CRB1: variants seen among roughly 807,000 people sequenced by gnomAD.
CRB1 encodes the protein protein crumbs homolog 1.
A neutral mutation model predicts 120.0 loss-of-function variants in CRB1; 83 were observed. The ratio of observed to expected loss-of-function variants is 0.69; its 90% CI spans 0.58 to 0.83. The LOEUF is 0.83. Ranked by LOEUF, CRB1 falls within the 40% of genes least tolerant of loss-of-function variation. The pLI, the probability that CRB1 is intolerant of heterozygous loss-of-function variation, is 0.00. For synonymous variants in CRB1, 625 were observed against 612.5 expected, an observed-to-expected ratio of 1.02 and a Z score of -0.30; for missense variants, 1,699 against 1,687.6, an observed-to-expected ratio of 1.01 and a Z score of -0.12.
chr1:197,288,059 C>T (rs1655936813), intron 1 of CRB1, among the ~76,000 whole-genome samples: 1 of 151,716 alleles, frequency 6.6e-6, no homozygotes, highest in South Asian at 2.1e-4. Context: ...CATAGAGAGC[C>T]GAGTGTTTGA....
At chr1:197,286,800 A>C (rs1398131757) in intron 1 of CRB1, among the ~76,000 whole-genome samples, 1 of 151,930 alleles carries the variant, frequency 6.6e-6, no homozygotes, top group Admixed American at 6.6e-5. Context: ...TAATTTCATA[A>C]AATTTTTGTT....
chr1:197,228,370 T>A, the CRB1 span, among the ~76,000 whole-genome samples: 1 of 152,192 alleles, frequency 6.6e-6, no homozygotes, highest in African/African-American at 2.4e-5. Flanking sequence ...GCTTAGAAAT[T>A]TCTTCCACCA....
intron 5 of CRB1, chr1:197,357,241 CA>C (rs1660536199): frequency 1.7e-6 from 1 of 603,736 alleles, no homozygotes; most frequent in Non-Finnish European, 3.0e-6. Context: ...AAAGGGATGA[CA>C]TTTTTATATG....
intron 5 of CRB1, among the ~76,000 whole-genome samples, chr1:197,371,978 C>T (rs953540230): frequency 2.0e-5 from 3 of 152,108 alleles, no homozygotes; most frequent in Admixed American, 6.6e-5. Context: ...TGATGAGTTG[C>T]TTCTTCCAGC....
the CRB1 span, among the ~76,000 whole-genome samples, chr1:197,262,083 AC>A: frequency 1.3e-5 from 2 of 152,184 alleles, no homozygotes; most frequent in Non-Finnish European, 2.9e-5. Context: ...AAGGGTGATG[AC>A]CCTGTCTTAA....
At chr1:197,296,183 A>T (rs1378268375) in intron 1 of CRB1, among the ~76,000 whole-genome samples, 1 of 151,990 alleles carries the variant, frequency 6.6e-6, no homozygotes, top group African/African-American at 2.4e-5. Flanking sequence ...AACAAGAAAC[A>T]CTTTTTCATC....
At chr1:197,311,717 G>GTGTA (rs1553246880) in intron 1 of CRB1, among the ~76,000 whole-genome samples, 260 of 151,038 alleles carry the variant, frequency 1.7e-3, no homozygotes, top group African/African-American at 6.1e-3. Flanking sequence ...GTGTGTGTGT[G>GTGTA]TGTGTGTGTG....
chr1:197,325,909 A>G (rs917186353), intron 1 of CRB1, among the ~76,000 whole-genome samples: 3 of 152,194 alleles, frequency 2.0e-5, no homozygotes, highest in Admixed American at 6.5e-5. Context: ...CTGCTGACAA[A>G]GGATACATTT....
intron 5 of CRB1, among the ~76,000 whole-genome samples, chr1:197,415,111 A>C (rs1663908889): frequency 6.6e-6 from 1 of 152,224 alleles, no homozygotes; most frequent in Non-Finnish European, 1.5e-5. Context: ...CATAAATTTT[A>C]GCAATCATAA....
At chr1:197,209,907 C>T in the CRB1 span, among the ~76,000 whole-genome samples, 33 of 152,208 alleles carry the variant, frequency 2.2e-4, 1 homozygote, top group Admixed American at 2.2e-3. Flanking sequence ...TACACATTCA[C>T]ACTTTGGGCA....
chr1:197,210,701 T>A, the CRB1 span, among the ~76,000 whole-genome samples: 2 of 152,098 alleles, frequency 1.3e-5, no homozygotes, highest in East Asian at 3.9e-4. Flanking sequence ...CAATGTCATA[T>A]GATTTCTTCA....
chr1:197,256,635 G>A, the CRB1 span, among the ~76,000 whole-genome samples: 1 of 152,052 alleles, frequency 6.6e-6, no homozygotes, highest in Non-Finnish European at 1.5e-5. Context: ...TAAATCTTTT[G>A]AGGAAATGTT....
the CRB1 span, among the ~76,000 whole-genome samples, chr1:197,229,692 G>C: frequency 2.0e-5 from 3 of 152,140 alleles, no homozygotes; most frequent in Non-Finnish European, 4.4e-5. Context: ...TCACTCGTAA[G>C]TGAGAACATG....
chr1:197,217,508 T>C, the CRB1 span, among the ~76,000 whole-genome samples: 1 of 152,180 alleles, frequency 6.6e-6, no homozygotes, highest in South Asian at 2.1e-4. Flanking sequence ...AATAAAATAC[T>C]GATACATGCT....
At chr1:197,325,365 T>C (rs1314868740) in intron 1 of CRB1, among the ~76,000 whole-genome samples, 2 of 152,340 alleles carry the variant, frequency 1.3e-5, no homozygotes, top group Non-Finnish European at 2.9e-5. Context: ...TTCATTCTGA[T>C]TACATTTCAT....
intron 1 of CRB1, among the ~76,000 whole-genome samples, chr1:197,280,581 T>C (rs1216284445): frequency 6.6e-6 from 1 of 151,940 alleles, no homozygotes; most frequent in Non-Finnish European, 1.5e-5. Flanking sequence ...ACATGTATTC[T>C]ATCAAGTACA....
At chr1:197,247,613 A>G in the CRB1 span, among the ~76,000 whole-genome samples, 1 of 152,066 alleles carries the variant, frequency 6.6e-6, no homozygotes, top group African/African-American at 2.4e-5. Context: ...CCTTGCTAGC[A>G]TTCATCAGTG....
chr1:197,329,867 C>T (rs1342585825), intron 2 of CRB1, among the ~76,000 whole-genome samples: 3 of 152,126 alleles, frequency 2.0e-5, no homozygotes, highest in South Asian at 4.1e-4. Context: ...TCTAAGACAC[C>T]ACACACATTT....
intron 1 of CRB1, among the ~76,000 whole-genome samples, chr1:197,285,044 G>T (rs1254059731): frequency 6.6e-6 from 1 of 151,886 alleles, no homozygotes; most frequent in Non-Finnish European, 1.5e-5. Flanking sequence ...GCAAGTCATG[G>T]TCTTGAGAGT....
Sources: allele counts gnomAD v4.1 joint callset (sites outside exome capture counted in the v4.1 genomes callset), GRCh38; gene constraint gnomAD v4.1.1; transcripts MANE v1.5; gene names NCBI Gene and HGNC (gene_info 2026-07-23, HGNC 2026-07-21).